The following GSK3B variants were observed in gnomAD, a reference collection of about 807,000 sequenced individuals.
GSK3B encodes glycogen synthase kinase 3 beta, also known as glycogen synthase kinase-3 beta.
In GSK3B, 15 loss-of-function variants were observed where a neutral mutation model predicts 56.4. The ratio of observed to expected loss-of-function variants is 0.27; its 90% CI spans 0.18 to 0.41. The LOEUF is 0.41. Ranked by LOEUF, GSK3B falls within the 10% of genes least tolerant of loss-of-function variation. GSK3B has a pLI of 1.00. For missense variants in GSK3B, 300 were observed against 513.4 expected, an observed-to-expected ratio of 0.58 and a Z score of 4.02; for synonymous variants, 181 against 188.9, an observed-to-expected ratio of 0.96 and a Z score of 0.34.
intron 2 of GSK3B, among the ~76,000 whole-genome samples, chr3:119,994,639 ATTTCAATGACATTC>A (rs1207486693): frequency 1.3e-5 from 2 of 152,200 alleles, no homozygotes; most frequent in Non-Finnish European, 2.9e-5. Context: ...GAAAAAAATC[ATTTCAATGACATTC>A]TTTCCAAAAA....
At chr3:120,027,172 C>T (rs527552205) in intron 1 of GSK3B, among the ~76,000 whole-genome samples, 1 of 151,032 alleles carries the variant, frequency 6.6e-6, no homozygotes, top group African/African-American at 2.4e-5. Context: ...GTCAGGAGTT[C>T]AAGACCAGTG....
At chr3:119,943,758 G>T (rs1393150558) in intron 3 of GSK3B, among the ~76,000 whole-genome samples, 1 of 151,612 alleles carries the variant, frequency 6.6e-6, no homozygotes, top group Non-Finnish European at 1.5e-5. Context: ...AATAAGAGAG[G>T]GAGAGAGACA....
intron 9 of GSK3B, among the ~76,000 whole-genome samples, chr3:119,845,716 G>A (rs1485809883): frequency 2.0e-5 from 3 of 152,146 alleles, no homozygotes; most frequent in Non-Finnish European, 4.4e-5. Flanking sequence ...AATTAATATG[G>A]TGAAAATGGC....
chr3:119,960,818 C>T (rs2057264450), intron 2 of GSK3B, among the ~76,000 whole-genome samples: 1 of 151,860 alleles, frequency 6.6e-6, no homozygotes, highest in African/African-American at 2.4e-5. Context: ...CATTATTGTC[C>T]ATCCCTCCCC....
intron 2 of GSK3B, among the ~76,000 whole-genome samples, chr3:119,979,435 T>G (rs2057440060): frequency 6.6e-6 from 1 of 152,074 alleles, no homozygotes; most frequent in Admixed American, 6.6e-5. Context: ...TCCACCCTGG[T>G]GGCCCTACCT....
intron 1 of GSK3B, among the ~76,000 whole-genome samples, chr3:120,071,280 T>C (rs545365084): frequency 4.8e-4 from 73 of 152,336 alleles, no homozygotes; most frequent in African/African-American, 1.7e-3. Context: ...TTATCTACTA[T>C]CTAGTTCCCA....
chr3:119,974,914 AC>A (rs1218200119), intron 2 of GSK3B, among the ~76,000 whole-genome samples: 1 of 152,202 alleles, frequency 6.6e-6, no homozygotes, highest in Non-Finnish European at 1.5e-5. Flanking sequence ...ACTTTAGAAG[AC>A]AGGTTAGCAC....
At position 119,936,354 on chromosome 3, in the gene GSK3B, ATTT is replaced by A. The variant is rs34550759; in HGVS notation, c.366+10911_366+10913del. Among the ~76,000 whole-genome samples the A allele has an allele frequency of 7.5e-3, 938 of 125,754 alleles. 21 individuals carry two copies. Among genetic ancestry groups the A allele is most frequent in the African/African-American group, 0.024 (802 of 33,946 alleles). 82.5% of individuals were successfully genotyped at this position (125,754 alleles called of 152,430 possible). A position where few individuals can be genotyped will look rare whatever the true frequency, so the allele number is the denominator to read the frequency against. ...ATATAAAAAATATATATATATATAT[ATTT>A]TTTTTTTGAGACAAAGTCTCGCTCT... On this transcript the variant is annotated intron_variant, in intron 3 of 10. Coordinates refer to ENST00000264235, the MANE Select transcript of GSK3B (RefSeq NM_001146156.2).
chr3:120,087,765 T>C (rs1003838538), intron 1 of GSK3B, among the ~76,000 whole-genome samples: 11 of 152,132 alleles, frequency 7.2e-5, no homozygotes, highest in South Asian at 4.1e-4. Context: ...ATACAAAAAA[T>C]ATAAGATTTA....
chr3:119,833,686 G>C (rs1454241093), intron 10 of GSK3B, among the ~76,000 whole-genome samples: 1 of 144,086 alleles, frequency 6.9e-6, no homozygotes, highest in Non-Finnish European at 1.5e-5. Context: ...GGAAACATTA[G>C]GTTGTTTTTT....
chr3:120,006,955 A>C (rs928930873), intron 1 of GSK3B, among the ~76,000 whole-genome samples: 2 of 142,402 alleles, frequency 1.4e-5, no homozygotes, highest in East Asian at 2.0e-4. Flanking sequence ...AAAAACCTTC[A>C]AAAAAAAAAA....
At position 119,987,920 on chromosome 3, in the gene GSK3B, C is replaced by T. The variant is rs145330346; in HGVS notation, c.282+14126G>A. ...TATAATTCTGATATATATTAGTGTA[C>T]ATTTTCAGTAATAATTACAATCGTT... On this transcript the variant is annotated intron_variant, in intron 2 of 10. Coordinates refer to ENST00000264235, the MANE Select transcript of GSK3B (RefSeq NM_001146156.2). Among the ~76,000 whole-genome samples, 370 of 152,262 alleles carry T rather than the reference C, an allele frequency of 2.4e-3. 3 individuals are homozygous for T. The highest frequency in any genetic ancestry group is 8.7e-3 in the African/African-American group (362 of 41,560).
Position 119,837,943 on chromosome 3 carries a change from CATATATATAT to C in GSK3B, c.1195+5302_1195+5311del, listed in dbSNP as rs10574860. On this transcript the variant is annotated intron_variant, in intron 10 of 10. Coordinates refer to ENST00000264235, the MANE Select transcript of GSK3B (RefSeq NM_001146156.2). ...GAACATTTCCTACGTTGACCATTCA[CATATATATAT>C]ATATATATATATATATATTTCAGTC... 1.6e-3 allele frequency among the ~76,000 whole-genome samples: 219 copies of C among 138,594 alleles called. 2 individuals carry two copies. The highest frequency in any genetic ancestry group is 3.7e-3 in the Middle Eastern group (1 of 272). The allele number at this position is 138,594 out of a possible 152,430, so 90.9% of individuals were successfully genotyped here.
At chr3:119,862,487 C>A in intron 9 of GSK3B, among the ~76,000 whole-genome samples, 1 of 114,216 alleles carries the variant, frequency 8.8e-6, no homozygotes, top group Non-Finnish European at 1.7e-5. Context: ...AACTAACCTG[C>A]ACAATGTGCA....
intron 2 of GSK3B, among the ~76,000 whole-genome samples, chr3:119,994,434 T>C (rs1412120983): frequency 6.6e-6 from 1 of 152,174 alleles, no homozygotes. Context: ...CTAAAACTAG[T>C]TGGTAAAAGC....
At chr3:119,859,686 C>T (rs1178303389) in intron 9 of GSK3B, among the ~76,000 whole-genome samples, 1 of 152,010 alleles carries the variant, frequency 6.6e-6, no homozygotes, top group Admixed American at 6.6e-5. Context: ...CTTCCTTTTA[C>T]TGTTCTTTTC....
At chr3:120,024,805 T>C (rs1261097881) in intron 1 of GSK3B, among the ~76,000 whole-genome samples, 1 of 151,472 alleles carries the variant, frequency 6.6e-6, no homozygotes, top group African/African-American at 2.4e-5. Flanking sequence ...TGTGAGAGGG[T>C]AGGGGGAGGA....
intron 1 of GSK3B, among the ~76,000 whole-genome samples, chr3:120,091,891 G>C (rs531275137): frequency 3.1e-4 from 47 of 152,140 alleles, no homozygotes; most frequent in African/African-American, 1.1e-3. Flanking sequence ...CCCTGTTTCA[G>C]GCTAGTTCCC....
chr3:119,899,497 C>T (rs1265051512), intron 7 of GSK3B, among the ~76,000 whole-genome samples: 1 of 152,060 alleles, frequency 6.6e-6, no homozygotes, highest in East Asian at 1.9e-4. Context: ...TGAGTGGCAG[C>T]TTTTATGATG....
Sources: gnomAD v4.1 joint callset for allele counts (sites outside exome capture counted in the v4.1 genomes callset) on GRCh38, gnomAD v4.1.1 for gene constraint, MANE v1.5 for transcripts, NCBI Gene and HGNC (gene_info 2026-07-23, HGNC 2026-07-21) for gene names.